Variants in DLG2 observed in about 807,000 individuals in gnomAD.
DLG2 encodes discs large MAGUK scaffold protein 2, also known as disks large homolog 2.
DLG2 carries 45 observed loss-of-function variants against 132.5 expected under a neutral mutation model. The observed-to-expected ratio is 0.34, with a 90% CI of 0.27 to 0.44. The LOEUF is 0.44. Among genes scored for constraint, DLG2 ranks in the 20% least tolerant of loss-of-function variants. The pLI is 1.00. For synonymous variants in DLG2, 424 were observed against 419.6 expected (o/e 1.01, Z -0.13); for missense variants, 1,045 against 1,196.9 (o/e 0.87, Z 1.87).
intron 15 of DLG2, among the ~76,000 whole-genome samples, chr11:83,917,433 T>C (rs1484519531): frequency 6.6e-6 from 1 of 151,782 alleles, no homozygotes; most frequent in Non-Finnish European, 1.5e-5. Flanking sequence ...CTCCAGAGCA[T>C]CTGATATTGA....
At chr11:84,490,749 A>G (rs957621523) in intron 7 of DLG2, among the ~76,000 whole-genome samples, 2 of 152,014 alleles carry the variant, frequency 1.3e-5, no homozygotes, top group African/African-American at 2.4e-5. Flanking sequence ...AAACATATGA[A>G]CCTATGAGTA....
intron 6 of DLG2, among the ~76,000 whole-genome samples, chr11:85,066,576 T>C (rs1229862111): frequency 2.6e-5 from 4 of 151,436 alleles, no homozygotes; most frequent in African/African-American, 9.7e-5. Flanking sequence ...CAACAGCAAA[T>C]TAAAAAGATA....
intron 7 of DLG2, among the ~76,000 whole-genome samples, chr11:84,383,362 C>T (rs1376703093): frequency 6.6e-6 from 1 of 151,996 alleles, no homozygotes; most frequent in Non-Finnish European, 1.5e-5. Flanking sequence ...GCTGTCCATG[C>T]ATTTACCTAG....
chr11:83,837,301 G>A (rs2154008442), intron 16 of DLG2, among the ~76,000 whole-genome samples: 1 of 152,016 alleles, frequency 6.6e-6, no homozygotes, highest in East Asian at 1.9e-4. Flanking sequence ...GTAAGGGTAC[G>A]AGTTCAGCTC....
intron 6 of DLG2, among the ~76,000 whole-genome samples, chr11:84,686,324 G>T (rs997627685): frequency 6.6e-6 from 1 of 152,150 alleles, no homozygotes; most frequent in Non-Finnish European, 1.5e-5. Context: ...TTTTTAATAC[G>T]CAACTTCCTT....
intron 17 of DLG2, 70 bp downstream of exon 17, chr11:83,833,544 T>G: frequency 6.8e-7 from 1 of 1,463,656 alleles, no homozygotes; most frequent in Non-Finnish European, 9.2e-7. Context: ...GGTATCATAA[T>G]TGAAAGTTAT....
At chr11:85,392,359 T>C (rs1011778909) in intron 3 of DLG2, among the ~76,000 whole-genome samples, 2 of 151,776 alleles carry the variant, frequency 1.3e-5, no homozygotes, top group African/African-American at 2.4e-5. Flanking sequence ...ATGACCATAC[T>C]GCCAAAAGCA....
At chr11:85,389,725 A>G (rs567473500) in intron 3 of DLG2, among the ~76,000 whole-genome samples, 2 of 152,290 alleles carry the variant, frequency 1.3e-5, no homozygotes, top group Admixed American at 1.3e-4. Context: ...AAACAAAACA[A>G]TTATCAGCCA....
chr11:83,839,948 C>G (rs1484035602), intron 16 of DLG2, among the ~76,000 whole-genome samples: 1 of 152,152 alleles, frequency 6.6e-6, no homozygotes, highest in East Asian at 1.9e-4. Flanking sequence ...CTCCTTGATC[C>G]TAGTTTCAAT....
At chr11:84,066,087 G>C (rs2096666796) in intron 10 of DLG2, among the ~76,000 whole-genome samples, 2 of 152,128 alleles carry the variant, frequency 1.3e-5, no homozygotes, top group African/African-American at 4.8e-5. Context: ...GTTGGGATGA[G>C]GGTGAGCACT....
intron 7 of DLG2, among the ~76,000 whole-genome samples, chr11:84,382,264 A>C (rs1306964429): frequency 6.6e-6 from 1 of 152,110 alleles, no homozygotes; most frequent in African/African-American, 2.4e-5. Context: ...TGTTTAGAGA[A>C]ATAGGTAAAA....
chr11:85,604,213 T>C (rs1206188451), intron 2 of DLG2, among the ~76,000 whole-genome samples: 1 of 152,230 alleles, frequency 6.6e-6, no homozygotes, highest in Non-Finnish European at 1.5e-5. Context: ...AGGTCGTATA[T>C]AATCAAGTCT....
At position 84,782,843 on chromosome 11, in the gene DLG2, T is replaced by C. The variant is rs114312903; in HGVS notation, c.358-248112A>G. On this transcript the variant is annotated intron_variant, in intron 6 of 27. Coordinates refer to ENST00000376104, the MANE Select transcript of DLG2 (RefSeq NM_001142699.3). ...ATTTTGGATCTGTCATTGATCACTT[T>C]TAATTTTCCTCTTAAGAGTGTCACT... Among the ~76,000 whole-genome samples the C allele has an allele frequency of 2.3e-3, 348 of 152,306 alleles. 5 individuals carry two copies. The highest frequency in any genetic ancestry group is 8.1e-3 in the African/African-American group (338 of 41,574).
intron 19 of DLG2, among the ~76,000 whole-genome samples, chr11:83,588,856 G>A (rs1335157890): frequency 1.3e-5 from 2 of 152,262 alleles, no homozygotes; most frequent in South Asian, 2.1e-4. Flanking sequence ...GAAGCGTCAG[G>A]AGCCGATGCG....
chr11:84,096,253 A>G (rs2097163634), intron 10 of DLG2, among the ~76,000 whole-genome samples: 1 of 150,940 alleles, frequency 6.6e-6, no homozygotes, highest in East Asian at 2.0e-4. Context: ...GAAGTAGAAG[A>G]TTGTGTGTGT....
At chr11:84,600,161 A>AAAGAAAGG (rs2099572633) in intron 6 of DLG2, among the ~76,000 whole-genome samples, 1 of 77,566 alleles carries the variant, frequency 1.3e-5, no homozygotes. Flanking sequence ...AGAAAGAAGG[A>AAAGAAAGG]AAGAAAGAAA....
At chr11:83,946,125 G>C (rs902277782) in intron 14 of DLG2, among the ~76,000 whole-genome samples, 1 of 151,704 alleles carries the variant, frequency 6.6e-6, no homozygotes, top group Non-Finnish European at 1.5e-5. Context: ...GAGTGGCTGG[G>C]ATTACAAGTG....
intron 18 of DLG2, among the ~76,000 whole-genome samples, chr11:83,757,394 G>T (rs1022246491): frequency 6.6e-6 from 1 of 152,300 alleles, no homozygotes; most frequent in African/African-American, 2.4e-5. Context: ...TTCAAAGCTA[G>T]AAAGTCATCA....
At chr11:85,056,761 T>C (rs903775664) in intron 6 of DLG2, among the ~76,000 whole-genome samples, 6 of 151,910 alleles carry the variant, frequency 3.9e-5, no homozygotes, top group African/African-American at 1.4e-4. Context: ...ACATTAATTA[T>C]AAAGAAGCAA....
Sources: allele counts gnomAD v4.1 joint callset (sites outside exome capture counted in the v4.1 genomes callset), GRCh38; gene constraint gnomAD v4.1.1; transcripts MANE v1.5; gene names NCBI Gene and HGNC (gene_info 2026-07-23, HGNC 2026-07-21).